The following COG5 variants were observed in gnomAD, a reference collection of about 807,000 sequenced individuals.
COG5 encodes component of oligomeric golgi complex 5, also known as conserved oligomeric Golgi complex subunit 5.
Under a neutral mutation model 110.4 loss-of-function variants are expected in COG5, and 86 were observed. The observed-to-expected ratio is 0.78, with a 90% CI of 0.65 to 0.93. The LOEUF is 0.93. COG5 is among the 40% of genes least tolerant of loss of function. The pLI, the probability that COG5 is intolerant of heterozygous loss-of-function variation, is 0.00. For synonymous variants in COG5, 360 were observed against 334.6 expected (o/e 1.08, Z -0.83); for missense variants, 1,077 against 987.0 (o/e 1.09, Z -1.22).
At chr7:107,511,811 T>C (rs1799536815) in intron 6 of COG5, among the ~76,000 whole-genome samples, 1 of 152,148 alleles carries the variant, frequency 6.6e-6, no homozygotes, top group African/African-American at 2.4e-5. Context: ...ATTATCTCAA[T>C]AGATGCAGAA....
Position 107,333,347 on chromosome 7 carries a change from T to C in COG5, c.1027-8826A>G, listed in dbSNP as rs141999980. 9.2e-3 allele frequency among the ~76,000 whole-genome samples: 1,404 copies of C among 152,140 alleles called. 24 individuals carry two copies. Among genetic ancestry groups the C allele is most frequent in the African/African-American group, 0.031 (1,304 of 41,518 alleles). ...TTACAAAGAAGAAAGCTATGGAAAT[T>C]AAATAGGAACTTCAAGATGAACACC... On this transcript the variant is annotated intron_variant, in intron 10 of 21. Coordinates refer to ENST00000297135, the MANE Select transcript of COG5 (RefSeq NM_006348.5).
At chr7:107,229,007 GTTATC>G (rs1800570128) in intron 19 of COG5, among the ~76,000 whole-genome samples, 1 of 151,916 alleles carries the variant, frequency 6.6e-6, no homozygotes, top group South Asian at 2.1e-4. Context: ...CCTGTACTCT[GTTATC>G]TTATCCTTAT....
chr7:107,428,354 C>T (rs1793790206), intron 6 of COG5, among the ~76,000 whole-genome samples: 1 of 152,008 alleles, frequency 6.6e-6, no homozygotes, highest in Non-Finnish European at 1.5e-5. Context: ...CCCTAAAAGA[C>T]ACCTTTTAAG....
chr7:107,432,284 C>T (rs906835545), intron 6 of COG5, among the ~76,000 whole-genome samples: 1 of 152,116 alleles, frequency 6.6e-6, no homozygotes, highest in Admixed American at 6.5e-5. Flanking sequence ...AATAACTGCT[C>T]TGTAGTAAAC....
At chr7:107,269,587 C>G (rs1311565514) in intron 14 of COG5, among the ~76,000 whole-genome samples, 1 of 152,124 alleles carries the variant, frequency 6.6e-6, no homozygotes, top group Non-Finnish European at 1.5e-5. Flanking sequence ...ACTCTTTCCT[C>G]ATTTTATACC....
intron 19 of COG5, 85 bp from the exon 20 acceptor site, chr7:107,211,310 A>G: frequency 6.8e-7 from 1 of 1,480,902 alleles, no homozygotes. Context: ...CTTGTAGAAT[A>G]GCATTTTTCC....
intron 7 of COG5, among the ~76,000 whole-genome samples, chr7:107,382,719 A>G (rs1584754392): frequency 6.6e-6 from 1 of 152,174 alleles, no homozygotes. Flanking sequence ...GATTACAGGC[A>G]TGAGCCACCG....
chr7:107,515,230 C>T (rs951402080), intron 6 of COG5, among the ~76,000 whole-genome samples: 1 of 151,928 alleles, frequency 6.6e-6, no homozygotes, highest in Non-Finnish European at 1.5e-5. Flanking sequence ...TTAGATAATA[C>T]TAAATAGCTA....
chr7:107,252,950 T>C (rs1802628472), intron 16 of COG5: 2 of 152,150 alleles, frequency 1.3e-5, no homozygotes, highest in Admixed American at 1.3e-4. Context: ...GCTAACATTA[T>C]TATATCATTA....
intron 12 of COG5, among the ~76,000 whole-genome samples, chr7:107,291,716 C>G (rs1049032436): frequency 6.6e-6 from 1 of 152,200 alleles, no homozygotes; most frequent in African/African-American, 2.4e-5. Flanking sequence ...TACAAAGGAG[C>G]TAATTGTAGC....
At chr7:107,466,925 GT>G (rs1399616113) in intron 6 of COG5, among the ~76,000 whole-genome samples, 1 of 152,160 alleles carries the variant, frequency 6.6e-6, no homozygotes, top group Non-Finnish European at 1.5e-5. Context: ...ACAAAGCTGA[GT>G]TTTTATTTAC....
chr7:107,543,558 C>T (rs191877093), intron 5 of COG5, among the ~76,000 whole-genome samples: 1 of 152,202 alleles, frequency 6.6e-6, no homozygotes, highest in Non-Finnish European at 1.5e-5. Context: ...CCAGGCCCAA[C>T]CCAGCACCAG....
intron 10 of COG5, among the ~76,000 whole-genome samples, chr7:107,334,856 G>T (rs185105658): frequency 6.6e-6 from 1 of 151,286 alleles, no homozygotes; most frequent in Non-Finnish European, 1.5e-5. Flanking sequence ...AATTAAGTAC[G>T]CAAACAAAAC....
chr7:107,385,805 C>CTTTT (rs57758483), intron 7 of COG5, among the ~76,000 whole-genome samples: 1 of 122,332 alleles, frequency 8.2e-6, no homozygotes, highest in Non-Finnish European at 1.8e-5. Context: ...TTGTTATTTT[C>CTTTT]TTTTTTTTTT....
intron 6 of COG5, among the ~76,000 whole-genome samples, chr7:107,419,220 A>C (rs1416330369): frequency 6.6e-6 from 1 of 152,212 alleles, no homozygotes; most frequent in African/African-American, 2.4e-5. Context: ...CAGAAACGCA[A>C]ATGGCTTATA....
intron 7 of COG5, among the ~76,000 whole-genome samples, chr7:107,389,397 A>G (rs1309218012): frequency 1.3e-5 from 2 of 152,232 alleles, no homozygotes; most frequent in Non-Finnish European, 2.9e-5. Context: ...TATGTAAATT[A>G]TAAAGGTTTT....
chr7:107,348,219 G>T (rs1429773694), intron 10 of COG5, among the ~76,000 whole-genome samples: 1 of 149,480 alleles, frequency 6.7e-6, no homozygotes, highest in African/African-American at 2.5e-5. Flanking sequence ...CTGCACTTCT[G>T]TGGTAATATT....
intron 16 of COG5, among the ~76,000 whole-genome samples, chr7:107,251,976 C>A (rs189739701): frequency 3.3e-5 from 5 of 151,740 alleles, no homozygotes; most frequent in East Asian, 1.9e-4. Context: ...CTAGATTGAT[C>A]GAGAAAAAAA....
intron 8 of COG5, among the ~76,000 whole-genome samples, chr7:107,368,092 A>G (rs918270088): frequency 6.6e-6 from 1 of 152,144 alleles, no homozygotes; most frequent in Non-Finnish European, 1.5e-5. Flanking sequence ...AAGTATGCCT[A>G]TTTCCCACAT....
Sources: allele counts gnomAD v4.1 joint callset (sites outside exome capture counted in the v4.1 genomes callset), GRCh38; gene constraint gnomAD v4.1.1; transcripts MANE v1.5; gene names NCBI Gene and HGNC (gene_info 2026-07-23, HGNC 2026-07-21).